The following NSRP1 variants were observed in gnomAD, a reference collection of about 807,000 sequenced individuals.
NSRP1 encodes nuclear speckle splicing regulatory protein 1.
A neutral mutation model predicts 54.7 loss-of-function variants in NSRP1; 24 were observed. The ratio of observed to expected loss-of-function variants is 0.44; its 90% CI spans 0.32 to 0.62. The LOEUF is 0.62. NSRP1 is among the 20% of genes least tolerant of loss of function. The pLI is 0.06. For missense variants in NSRP1, 596 were observed against 651.2 expected (o/e 0.92, Z 0.92); for synonymous variants, 210 against 213.8 (o/e 0.98, Z 0.15).
intron 2 of NSRP1, among the ~76,000 whole-genome samples, chr17:30,152,223 A>G (rs932735494): frequency 2.0e-5 from 3 of 151,762 alleles, no homozygotes; most frequent in Non-Finnish European, 2.9e-5. Context: ...CCCGGGTTCA[A>G]GCGATTCTCC....
intron 2 of NSRP1, among the ~76,000 whole-genome samples, chr17:30,153,982 C>G (rs1321866699): frequency 6.6e-6 from 1 of 152,072 alleles, no homozygotes; most frequent in East Asian, 1.9e-4. Flanking sequence ...AGATTTCGTC[C>G]TGGATTGTTA....
At chr17:30,125,644 T>A (rs1182905248) in intron 2 of NSRP1, 1 of 152,232 alleles carries the variant, frequency 6.6e-6, no homozygotes, top group Non-Finnish European at 1.5e-5. Context: ...ACCTCCCAAG[T>A]TAAAGCAGTT....
At position 30,184,836 on chromosome 17, in the gene NSRP1, T is replaced by C. The variant is rs1716052032; in HGVS notation, c.839T>C (p.Phe280Ser). The C allele has an allele frequency of 6.8e-6, 11 of 1,613,848 alleles. 1 individual carries two copies. The highest frequency in any genetic ancestry group is 9.3e-6 in the Non-Finnish European group (11 of 1,179,998). Residue 280 changes from phenylalanine to serine, a missense_variant, in exon 7 of 7, where the codon TTC becomes TCC. By Grantham distance (155) the Phe-to-Ser change is radical. Transcript: ENST00000247026. ...GTCATAGAGACCCCTGAGAATGACTTCAAGCACCACAGGAGTCAAAACCAC... is the reference window on the plus strand; with the variant it reads ...GTCATAGAGACCCCTGAGAATGACTCCAAGCACCACAGGAGTCAAAACCAC... ...EKVIETPEND[F>S]KHHRSQNHSR...
At chr17:30,143,945 T>G (rs1482468240) in intron 2 of NSRP1, 1 of 152,150 alleles carries the variant, frequency 6.6e-6, no homozygotes, top group East Asian at 1.9e-4. Flanking sequence ...ACCCCATAAA[T>G]GTATACATGT....
chr17:30,141,590 C>T (rs1411269854), intron 2 of NSRP1, among the ~76,000 whole-genome samples: 1 of 151,972 alleles, frequency 6.6e-6, no homozygotes, highest in Non-Finnish European at 1.5e-5. Flanking sequence ...TGAATGTTTT[C>T]CCTGTTTTCT....
intron 3 of NSRP1, among the ~76,000 whole-genome samples, chr17:30,174,572 G>C (rs1217410323): frequency 6.6e-6 from 1 of 152,070 alleles, no homozygotes; most frequent in Non-Finnish European, 1.5e-5. Flanking sequence ...CGTTTCATTG[G>C]GAAAACTTTC....
intron 2 of NSRP1, among the ~76,000 whole-genome samples, chr17:30,148,591 G>C (rs1241982715): frequency 2.0e-5 from 3 of 152,200 alleles, no homozygotes; most frequent in Non-Finnish European, 2.9e-5. Context: ...AAGGGAAACA[G>C]TTTAGGATTG....
At chr17:30,154,711 CAAA>C (rs567375351) in intron 2 of NSRP1, 4 of 111,002 alleles carry the variant, frequency 3.6e-5, no homozygotes, top group East Asian at 2.4e-4. Context: ...GACCCTGTCT[CAAA>C]AAAAAAAAAA....
Position 30,186,105 on chromosome 17 carries a change from T to C in NSRP1, c.*431T>C, listed in dbSNP as rs1236860794. On this transcript the variant is annotated 3_prime_UTR_variant, in exon 7 of 7. Coordinates refer to ENST00000247026, the MANE Select transcript of NSRP1 (RefSeq NM_032141.4). ...CAGGATAATAAGACCTTGTCTCTAT[T>C]TAAAAAACAAAAAGCCTAGCATGGT... is the stretch of plus-strand genomic sequence containing the variant. 6.6e-6 allele frequency: 1 copy of C among 152,378 alleles called. No individual in the cohort carries two copies. The highest frequency in any genetic ancestry group is 1.5e-5 in the Non-Finnish European group (1 of 68,206). 9.4% of individuals were successfully genotyped at this position (152,378 alleles called of 1,614,324 possible). A position where few individuals can be genotyped will look rare whatever the true frequency, so the allele number is the denominator to read the frequency against.
intron 2 of NSRP1, among the ~76,000 whole-genome samples, chr17:30,141,335 G>A (rs2071803559): frequency 2.6e-5 from 4 of 152,040 alleles, no homozygotes; most frequent in Admixed American, 2.0e-4. Context: ...ACCACATTGT[G>A]TATTTTTTAG....
chr17:30,181,002 C>G lies in NSRP1; in HGVS notation c.603C>G (p.Ser201Arg), dbSNP rs1384124079. The G allele has an allele frequency of 6.2e-7, 1 of 1,606,738 alleles. No homozygotes were observed. The highest frequency in any genetic ancestry group is 8.5e-7 in the Non-Finnish European group (1 of 1,173,536). The change falls in exon 6 of 7, where the codon AGC becomes AGG. Residue 201 changes from serine to arginine, a missense_variant. Transcript: ENST00000247026. ...GTGAAGAGGAAGTACCTAAATGCAGCTTTCGTGAAGCCAGGTGAGGAGACG... is the reference window on the plus strand; with the variant it reads ...GTGAAGAGGAAGTACCTAAATGCAGGTTTCGTGAAGCCAGGTGAGGAGACG... ...AVGEEEVPKC[S>R]FREARSGIKE...
At chr17:30,147,048 T>C (rs1181085927) in intron 2 of NSRP1, among the ~76,000 whole-genome samples, 2 of 152,220 alleles carry the variant, frequency 1.3e-5, no homozygotes, top group African/African-American at 2.4e-5. Context: ...CTAAGTGATA[T>C]CCTAAGCTTC....
At chr17:30,159,386 T>G (rs954160404) in intron 2 of NSRP1, among the ~76,000 whole-genome samples, 4 of 152,108 alleles carry the variant, frequency 2.6e-5, no homozygotes, top group African/African-American at 9.7e-5. Context: ...GTTTGGTTTT[T>G]CTAAATATAA....
intron 2 of NSRP1, among the ~76,000 whole-genome samples, chr17:30,156,303 G>A (rs551011505): frequency 1.6e-4 from 8 of 49,490 alleles, no homozygotes; most frequent in Non-Finnish European, 2.8e-4. Context: ...ATACCTATTA[G>A]TACCCATTAA....
chr17:30,160,629 T>G (rs953005337), intron 2 of NSRP1, among the ~76,000 whole-genome samples: 1 of 152,228 alleles, frequency 6.6e-6, no homozygotes, highest in Non-Finnish European at 1.5e-5. Flanking sequence ...TTCTGTAGTG[T>G]CAGTTGTAAT....
intron 2 of NSRP1, among the ~76,000 whole-genome samples, chr17:30,171,963 C>T (rs1904949419): frequency 7.3e-6 from 1 of 136,890 alleles, no homozygotes; most frequent in Admixed American, 7.7e-5. Context: ...CACACACACA[C>T]ACACACACAC....
chr17:30,184,786 T>C lies in NSRP1; in HGVS notation c.789T>C (p.Thr263=). ...GTGCGGATGATGAAATAGAAGAAAC[T>C]AGAGTGAACTGCAGAAGGGAAAAGG... ...KSSADDEIEE[T]RVNCRREKVI... Residue 263 remains threonine (T), a synonymous_variant, in exon 7 of 7, where the codon ACT becomes ACC. Transcript: ENST00000247026. 6.2e-7 allele frequency: 1 copy of C among 1,613,800 alleles called. No individual in the cohort carries two copies. The highest frequency in any genetic ancestry group is 8.5e-7 in the Non-Finnish European group (1 of 1,179,942).
At chr17:30,124,111 A>G (rs74900583) in intron 2 of NSRP1, among the ~76,000 whole-genome samples, 1 of 144,666 alleles carries the variant, frequency 6.9e-6, no homozygotes, top group Admixed American at 6.8e-5. Context: ...CGTCTCTATA[A>G]AAAAAAAAAA....
Position 30,185,384 on chromosome 17 carries a change from A to G in NSRP1, c.1387A>G (p.Lys463Glu), listed in dbSNP as rs761579774. Residue 463 changes from lysine to glutamate, a missense_variant, in exon 7 of 7, where the codon AAG becomes GAG. Physicochemically the swap from Lys to Glu is moderately conservative, Grantham distance 56. Coordinates refer to ENST00000247026, the MANE Select transcript of NSRP1 (RefSeq NM_032141.4). ...GGAAAGCAGCCCAAATTCTAGGGCA[A>G]AGGATAAATTTCTTGACCAAGAAAG... is the stretch of plus-strand genomic sequence containing the variant. ...RKESSPNSRA[K>E]DKFLDQERSN... 1 of 1,612,666 alleles carries G rather than the reference A, an allele frequency of 6.2e-7. No individual in the cohort carries two copies. The highest frequency in any genetic ancestry group is 8.5e-7 in the Non-Finnish European group (1 of 1,179,710).
Sources: gnomAD v4.1 joint callset for allele counts (sites outside exome capture counted in the v4.1 genomes callset) on GRCh38, gnomAD v4.1.1 for gene constraint, MANE v1.5 for transcripts, NCBI Gene and HGNC (gene_info 2026-07-23, HGNC 2026-07-21) for gene names.